LOXL3: variants seen among roughly 807,000 people sequenced by gnomAD.
The protein encoded by LOXL3 is lysyl oxidase like 3, also known as lysyl oxidase homolog 3.
A neutral mutation model predicts 91.8 loss-of-function variants in LOXL3; 60 were observed. That is an observed-to-expected ratio of 0.65 (90% confidence interval 0.53 to 0.81). The LOEUF (loss-of-function observed/expected upper bound fraction) is 0.81. Among genes scored for constraint, LOXL3 ranks in the 30% least tolerant of loss-of-function variants. LOXL3 has a pLI of 0.00. For missense variants in LOXL3, 874 were observed against 1,000.4 expected (o/e 0.87, Z 1.70); for synonymous variants, 355 against 387.6 (o/e 0.92, Z 0.99).
At position 74,536,801 on chromosome 2, in the gene LOXL3, C is replaced by T. The variant is rs1212115196; in HGVS notation, c.820G>A (p.Gly274Arg). The part of the protein sequence containing the change: ...RANDTARCPG[G>R]GPAVVSCVPG... ...ACACAGCTCACCACTGCAGGGCCCC[C>T]CCCAGGGCACCTGGCGGTGTCATTG... is the stretch of plus-strand genomic sequence containing the variant. The change falls in exon 5 of 14, where the codon GGG (glycine) becomes AGG (arginine). Residue 274 changes from glycine (G) to arginine (R), a missense_variant. Gly to Arg is a moderately radical substitution (Grantham distance 125). Transcript: ENST00000264094. The surrounding 1 kb of genome is among the most constrained non-coding windows in gnomAD (Gnocchi z 4.5). 2 of 1,614,246 alleles carry T rather than the reference C, an allele frequency of 1.2e-6. No individual in the cohort carries two copies. Among genetic ancestry groups the T allele is most frequent in the Non-Finnish European group, 1.7e-6 (2 of 1,180,038 alleles).
Position 74,552,440 on chromosome 2 carries a change from T to C in LOXL3, c.195A>G (p.Glu65=). ...EGRVEIQRAG[E]WGTICDDDFT... is the part of the protein sequence containing the mutation. ...AGTCATCATCGCAGATGGTGCCCCATTCACCAGCTCGCTGTATCTCCACGC... is the reference window on the plus strand; with the variant it reads ...AGTCATCATCGCAGATGGTGCCCCACTCACCAGCTCGCTGTATCTCCACGC... The change falls in exon 2 of 14, where the codon GAA becomes GAG. Residue 65 remains glutamate, a synonymous_variant. Coordinates refer to ENST00000264094, the MANE Select transcript of LOXL3 (RefSeq NM_032603.5). The C allele has an allele frequency of 6.2e-7, 1 of 1,613,894 alleles. No homozygotes were observed. Among genetic ancestry groups the C allele is most frequent in the Non-Finnish European group, 8.5e-7 (1 of 1,179,928 alleles).
chr2:74,533,776 G>A, intron 13 of LOXL3, 97 bp from the exon 14 acceptor site: 2 of 1,426,576 alleles, frequency 1.4e-6, no homozygotes, highest in Non-Finnish European at 9.9e-7. Flanking sequence ...GGGACTGAGA[G>A]CTCTACAGGA....
In LOXL3 at chr2:74,536,872, C is replaced by A. The variant is rs754394481; in HGVS notation, c.749G>T (p.Gly250Val). ...SFGLHGVACV[G>V]TEAHLSLCSL... ...ACAGAGGGAGAGGTGGGCCTCCGTG[C>A]CCACGCACGCCACCCCATGCAGACC... Residue 250 changes from glycine to valine, a missense_variant, in exon 5 of 14, where the codon GGC becomes GTC. Transcript: ENST00000264094. The surrounding 1 kb of genome is among the most constrained non-coding windows in gnomAD (Gnocchi z 4.5). The A allele has an allele frequency of 1.9e-6, 3 of 1,614,182 alleles. No homozygotes were observed. Among genetic ancestry groups the A allele is most frequent in the Non-Finnish European group, 2.5e-6 (3 of 1,180,030 alleles).
At position 74,551,690 on chromosome 2, in the gene LOXL3, A is replaced by G. The variant is rs557837735; in HGVS notation, c.313+632T>C. Among the ~76,000 whole-genome samples, 6 of 152,368 alleles carry G rather than the reference A, an allele frequency of 3.9e-5. No homozygotes were observed. The East Asian group carries it at 1.2e-3, about 29-fold the overall frequency. The stretch of plus-strand genomic sequence containing the variant: ...ATCTACAAATGACACTTAATTCCAC[A>G]GGTGGTCTAGCCAGTGGGAACTGGG... On this transcript the variant is annotated intron_variant, in intron 2 of 13. Transcript: ENST00000264094.
intron 2 of LOXL3, among the ~76,000 whole-genome samples, chr2:74,551,291 A>T (rs1425199441): frequency 6.6e-6 from 1 of 152,242 alleles, no homozygotes; most frequent in Non-Finnish European, 1.5e-5. Context: ...CTCAAAGGTC[A>T]TCTGTCCTAG....
At chr2:74,538,297 G>A (rs1676135960) in intron 4 of LOXL3, among the ~76,000 whole-genome samples, 1 of 152,176 alleles carries the variant, frequency 6.6e-6, no homozygotes, top group South Asian at 2.1e-4. Context: ...GGGCAAAGAT[G>A]ACCCTAAGCT....
rs140197375 is a variant in LOXL3, at chr2:74,549,950, G to A, written c.477+235C>T. On this transcript the variant is annotated intron_variant, in intron 3 of 13. Coordinates refer to ENST00000264094, the MANE Select transcript of LOXL3 (RefSeq NM_032603.5). The surrounding 1 kb of genome is among the most constrained non-coding windows in gnomAD (Gnocchi z 5.3). ...GAAGGAGAGCACCAGGTGCCCCAGG[G>A]GTGACTAGGGATGAAGCTGGAGAGG... is the stretch of plus-strand genomic sequence containing the variant. 3.2e-5 allele frequency: 32 copies of A among 985,468 alleles called. No homozygotes were observed. Among genetic ancestry groups the A allele is most frequent in the Middle Eastern group, 1.0e-3 (2 of 1,914 alleles). The allele number at this position is 985,468 out of a possible 1,614,324, so 61.0% of individuals were successfully genotyped here. A position where few individuals can be genotyped will look rare whatever the true frequency, so the allele number is the denominator to read the frequency against.
chr2:74,555,517 G>C, upstream of LOXL3: 1 of 1,612,734 alleles, frequency 6.2e-7, no homozygotes, highest in South Asian at 1.1e-5. The surrounding 1 kb of genome is among the most constrained non-coding windows in gnomAD (Gnocchi z 6.1). Context: ...GGCTGCCTCA[G>C]ACCGACCCCC....
chr2:74,555,334 C>T (rs771636203), upstream of LOXL3: 1 of 1,613,968 alleles, frequency 6.2e-7, no homozygotes, highest in Non-Finnish European at 8.5e-7. The surrounding 1 kb of genome is among the most constrained non-coding windows in gnomAD (Gnocchi z 6.1). Context: ...CGTGGAGACC[C>T]CCCCTGAGCC....
In LOXL3 at chr2:74,550,488, A is replaced by T. The variant is rs896009959; in HGVS notation, c.314-140T>A. On this transcript the variant is annotated intron_variant, in intron 2 of 13. Coordinates refer to ENST00000264094, the MANE Select transcript of LOXL3 (RefSeq NM_032603.5). ...CTTTCTGGTATGATAAGGGGTGGAG[A>T]CGGGACAGGGGACCCTGGCAGGGAA... 1.1e-5 allele frequency: 10 copies of T among 908,398 alleles called. No individual in the cohort carries two copies. The African/African-American group carries it at 1.7e-4, about 15-fold the overall frequency. The allele number at this position is 908,398 out of a possible 1,614,324, so 56.3% of individuals were successfully genotyped here. A position where few individuals can be genotyped will look rare whatever the true frequency, so the allele number is the denominator to read the frequency against.
Position 74,549,420 on chromosome 2 carries a change from C to T in LOXL3, c.641G>A (p.Cys214Tyr). The change falls in exon 4 of 14, where the codon TGC becomes TAC. Residue 214 changes from cysteine (C) to tyrosine (Y), a missense_variant. Transcript: ENST00000264094. This position sits in a 1 kb window ranked among gnomAD's most constrained non-coding sequence, Gnocchi z 5.3. The stretch of plus-strand genomic sequence containing the variant: ...TTCGCTGGGGAAGCCCAGCATCCCG[C>T]AGACCACGTGGCTGTTGTGGGCGCT... ...GWSAHNSHVV[C>Y]GMLGFPSEKR... 6.2e-7 allele frequency: 1 copy of T among 1,612,902 alleles called. No individual in the cohort carries two copies. The highest frequency in any genetic ancestry group is 8.5e-7 in the Non-Finnish European group (1 of 1,179,410).
chr2:74,550,046 T>C (rs1676901231), intron 3 of LOXL3, 139 bp downstream of exon 3: 2 of 1,474,956 alleles, frequency 1.4e-6, no homozygotes, highest in Non-Finnish European at 1.8e-6. Context: ...CTGGGAGCTC[T>C]ATCATTTGCT....
rs574337276 is a variant in LOXL3 at position 74,542,800 on chromosome 2, T to C, written c.693-5872A>G. On this transcript the variant is annotated intron_variant, in intron 4 of 13. Coordinates refer to ENST00000264094, the MANE Select transcript of LOXL3 (RefSeq NM_032603.5). ...CCACCACAGCCAGCTAATTTTTGTATTTTTAGTAGAGACGGAGTTTCATCA... is the reference window on the plus strand; with the variant it reads ...CCACCACAGCCAGCTAATTTTTGTACTTTTAGTAGAGACGGAGTTTCATCA... Among the ~76,000 whole-genome samples, 32 of 152,164 alleles carry C rather than the reference T, an allele frequency of 2.1e-4. No individual in the cohort carries two copies. The South Asian group carries it at 6.6e-3, about 32-fold the overall frequency.
Position 74,536,223 on chromosome 2 carries a change from C to A in LOXL3, c.1093+68G>T. The A allele has an allele frequency of 6.2e-7, 1 of 1,611,952 alleles. No individual in the cohort carries two copies. ...GTCTGCCCAGGGGACACCTAACCTT[C>A]CGAAGGAATATGCCCCCCAGGAGCA... On this transcript the variant is annotated intron_variant, in intron 6 of 13. Transcript: ENST00000264094. This position sits in a 1 kb window ranked among gnomAD's most constrained non-coding sequence, Gnocchi z 4.5.
intron 4 of LOXL3, among the ~76,000 whole-genome samples, chr2:74,539,313 C>T (rs1676188130): frequency 3.9e-5 from 6 of 152,188 alleles, no homozygotes; most frequent in African/African-American, 1.4e-4. Context: ...TCCGCATCCA[C>T]CGTCTGCTGA....
At position 74,535,350 on chromosome 2, in the gene LOXL3, G is replaced by A. The variant is rs139671402; in HGVS notation, c.1521C>T (p.Thr507=). 28 of 1,614,046 alleles carry A rather than the reference G, an allele frequency of 1.7e-5. No homozygotes were observed. The African/African-American group carries it at 3.3e-4, about 19-fold the overall frequency. Residue 507 remains threonine, a synonymous_variant, in exon 9 of 14, where the codon ACC becomes ACT. Transcript: ENST00000264094. The surrounding 1 kb of genome is among the most constrained non-coding windows in gnomAD (Gnocchi z 4.2). The part of the protein sequence containing the change: ...LSLDQCAHHG[T]HITCKRTGTR... ...TCCCTGTCCTCTTGCAGGTGATGTGGGTGCCATGATGGGCACACTGATCCA... is the reference window on the plus strand; with the variant it reads ...TCCCTGTCCTCTTGCAGGTGATGTGAGTGCCATGATGGGCACACTGATCCA...
At chr2:74,542,429 A>C (rs948783010) in intron 4 of LOXL3, among the ~76,000 whole-genome samples, 4 of 152,092 alleles carry the variant, frequency 2.6e-5, no homozygotes, top group African/African-American at 7.2e-5. Context: ...AAATGTTTCT[A>C]AATTCCATCT....
At chr2:74,542,024 G>A (rs910380973) in intron 4 of LOXL3, among the ~76,000 whole-genome samples, 2 of 152,178 alleles carry the variant, frequency 1.3e-5, no homozygotes, top group Non-Finnish European at 2.9e-5. Context: ...CAGGGGCAGC[G>A]GCTTACGCCT....
intron 4 of LOXL3, among the ~76,000 whole-genome samples, chr2:74,545,769 C>T (rs1372259437): frequency 1.3e-5 from 2 of 152,154 alleles, no homozygotes; most frequent in African/African-American, 4.8e-5. Flanking sequence ...AATATTTAGT[C>T]TCCCCAAGGT....
Sources: allele counts gnomAD v4.1 joint callset (sites outside exome capture counted in the v4.1 genomes callset), GRCh38; gene constraint gnomAD v4.1.1; non-coding constraint Gnocchi (gnomAD v3.1); transcripts MANE v1.5; gene names NCBI Gene and HGNC (gene_info 2026-07-23, HGNC 2026-07-21).